The following NBAS variants were observed in gnomAD, a reference collection of about 807,000 sequenced individuals.
NBAS encodes NBAS subunit of NRZ tethering complex, also known as NAG/BC035112 fusion.
A neutral mutation model predicts 302.5 loss-of-function variants in NBAS; 219 were observed. The observed-to-expected ratio is 0.72, with a 90% confidence interval of 0.65 to 0.81. The LOEUF (loss-of-function observed/expected upper bound fraction) is 0.81, where lower values mean the gene tolerates loss of function less well. Among genes scored for constraint, NBAS ranks in the 30% least tolerant of loss-of-function variants. The pLI is 0.00. For missense variants in NBAS, 2,932 were observed against 2,841.6 expected, an observed-to-expected ratio of 1.03 and a Z score of -0.72; for synonymous variants, 1,118 against 1,021.6, an observed-to-expected ratio of 1.09 and a Z score of -1.80.
intron 26 of NBAS, among the ~76,000 whole-genome samples, chr2:15,398,838 C>T (rs1676005041): frequency 6.6e-6 from 1 of 152,072 alleles, no homozygotes; most frequent in Non-Finnish European, 1.5e-5. Flanking sequence ...ACATGAAATG[C>T]AATCATTAAG....
At chr2:15,135,132 G>T in the NBAS span, among the ~76,000 whole-genome samples, 2 of 152,140 alleles carry the variant, frequency 1.3e-5, no homozygotes, top group African/African-American at 4.8e-5. Flanking sequence ...AATCATAAAA[G>T]ATTTCTCCAT....
intron 40 of NBAS, among the ~76,000 whole-genome samples, chr2:15,306,126 C>T (rs937957355): frequency 3.3e-5 from 5 of 152,096 alleles, no homozygotes; most frequent in African/African-American, 4.8e-5. Context: ...ATACATTTGC[C>T]AAATTTCCAC....
intron 10 of NBAS, among the ~76,000 whole-genome samples, chr2:15,507,362 CA>C: frequency 6.6e-6 from 1 of 151,980 alleles, no homozygotes; most frequent in East Asian, 1.9e-4. Flanking sequence ...AATAGGATTT[CA>C]AAAAGTCTAT....
the NBAS span, among the ~76,000 whole-genome samples, chr2:15,062,185 G>T: frequency 6.6e-6 from 1 of 152,136 alleles, no homozygotes; most frequent in Non-Finnish European, 1.5e-5. Context: ...CTGGTTTCTG[G>T]TACCCTGTAG....
the NBAS span, among the ~76,000 whole-genome samples, chr2:14,894,957 G>T: frequency 6.6e-6 from 1 of 152,172 alleles, no homozygotes; most frequent in African/African-American, 2.4e-5. Context: ...TCGGGAGGCT[G>T]AGGCAGGAGA....
intron 28 of NBAS, among the ~76,000 whole-genome samples, chr2:15,393,398 T>C (rs983823772): frequency 3.3e-5 from 5 of 151,946 alleles, no homozygotes; most frequent in African/African-American, 9.7e-5. Context: ...AAAGAAAACA[T>C]ACAGATAGCA....
Position 15,402,220 on chromosome 2 carries a change from G to T in NBAS, c.3019C>A (p.Gln1007Lys). 1.2e-6 allele frequency: 2 copies of T among 1,613,544 alleles called. No homozygotes were observed. The highest frequency in any genetic ancestry group is 2.2e-5 in the South Asian group (2 of 91,048). The part of the protein sequence containing the change: ...ECIYTCERND[Q>K]LCLCYDLLEC... Reference sequence around the variant, plus strand: ...AGTAGGTCATAGCAAAGACAGAGTTGATCATTTCGTTCACAGGTATAGATG... The same window carrying T: ...AGTAGGTCATAGCAAAGACAGAGTTTATCATTTCGTTCACAGGTATAGATG... The change falls in exon 26 of 52, where the codon CAA becomes AAA. Residue 1007 changes from glutamine to lysine, a missense_variant. Transcript: ENST00000281513.
intron 48 of NBAS, 150 bp from the exon 49 acceptor site, chr2:15,190,553 T>G (rs1572420950): frequency 1.1e-6 from 1 of 887,622 alleles, no homozygotes; most frequent in East Asian, 2.7e-5. Context: ...CCTCAAAAGC[T>G]CTAAGCCTTA....
chr2:14,852,587 G>C, the NBAS span, among the ~76,000 whole-genome samples: 2 of 117,702 alleles, frequency 1.7e-5, 1 homozygote, highest in East Asian at 4.6e-4. Flanking sequence ...AGTTCATAAG[G>C]AACCAAAAAA....
chr2:15,546,497 G>A lies in NBAS; in HGVS notation c.379+4996C>T, dbSNP rs75559275. ...TAAGCCCAGCACTTTGGGAGACCAAGGCAGGTGGATCATTTGATGTCAGGA... is the reference window on the plus strand; with the variant it reads ...TAAGCCCAGCACTTTGGGAGACCAAAGCAGGTGGATCATTTGATGTCAGGA... On this transcript the variant is annotated intron_variant, in intron 6 of 51. Coordinates refer to ENST00000281513, the MANE Select transcript of NBAS (RefSeq NM_015909.4). Among the ~76,000 whole-genome samples, 1,421 of 152,254 alleles carry A rather than the reference G, an allele frequency of 9.3e-3. 29 individuals carry two copies. The highest frequency in any genetic ancestry group is 0.033 in the African/African-American group (1,351 of 41,540).
At chr2:15,539,870 A>T (rs1273945530) in intron 6 of NBAS, among the ~76,000 whole-genome samples, 30 of 152,280 alleles carry the variant, frequency 2.0e-4, no homozygotes, top group Admixed American at 2.0e-3. Context: ...ACACACACAC[A>T]CACTCACACA....
the NBAS span, among the ~76,000 whole-genome samples, chr2:14,875,915 T>C: frequency 6.6e-6 from 1 of 152,226 alleles, no homozygotes; most frequent in Non-Finnish European, 1.5e-5. Flanking sequence ...ATTGTGTTAA[T>C]TTCCCTAGCA....
At chr2:15,499,134 A>G (rs1681185536) in intron 11 of NBAS, among the ~76,000 whole-genome samples, 1 of 152,090 alleles carries the variant, frequency 6.6e-6, no homozygotes, top group African/African-American at 2.4e-5. Flanking sequence ...TCACCATGTT[A>G]GCTGGGCTGG....
intron 34 of NBAS, among the ~76,000 whole-genome samples, chr2:15,352,979 C>T (rs1673438674): frequency 6.6e-6 from 1 of 152,116 alleles, no homozygotes; most frequent in Non-Finnish European, 1.5e-5. Context: ...GGCCCTCTCC[C>T]GTCTTGCTCA....
the NBAS span, among the ~76,000 whole-genome samples, chr2:15,000,276 G>A: frequency 6.6e-6 from 1 of 152,118 alleles, no homozygotes; most frequent in African/African-American, 2.4e-5. Context: ...AGGCTTCACT[G>A]AAAAAACAAA....
intron 51 of NBAS, among the ~76,000 whole-genome samples, chr2:15,171,565 TG>T (rs1664291823): frequency 6.6e-6 from 1 of 152,240 alleles, no homozygotes; most frequent in Admixed American, 6.5e-5. Flanking sequence ...CTACCATGAA[TG>T]TTTTTTTGCA....
the NBAS span, among the ~76,000 whole-genome samples, chr2:14,858,346 G>C: frequency 6.6e-6 from 1 of 152,092 alleles, no homozygotes; most frequent in East Asian, 1.9e-4. Context: ...GTATATCAAA[G>C]AGATATCTGC....
chr2:15,383,088 C>G, intron 29 of NBAS, 127 bp downstream of exon 29: 1 of 770,884 alleles, frequency 1.3e-6, no homozygotes, highest in Non-Finnish European at 2.1e-6. Flanking sequence ...AAGCACTAGT[C>G]AGTTATTAGC....
At chr2:15,538,040 A>T (rs1328485689) in intron 7 of NBAS, among the ~76,000 whole-genome samples, 2 of 152,216 alleles carry the variant, frequency 1.3e-5, no homozygotes, top group Non-Finnish European at 2.9e-5. Flanking sequence ...TTAAAATCAA[A>T]GAAAGAGCAT....
Sources: gnomAD v4.1 joint callset for allele counts (sites outside exome capture counted in the v4.1 genomes callset) on GRCh38, gnomAD v4.1.1 for gene constraint, MANE v1.5 for transcripts, NCBI Gene and HGNC (gene_info 2026-07-23, HGNC 2026-07-21) for gene names.